DPP9: variants seen among roughly 807,000 people sequenced by gnomAD.
The protein encoded by DPP9 is dipeptidyl peptidase IV-related protein-2.
In DPP9, 50 loss-of-function variants were observed where a neutral mutation model predicts 110.7. The observed-to-expected ratio is 0.45, with a 90% CI of 0.36 to 0.57. DPP9 has a LOEUF of 0.57. DPP9 is among the 20% of genes least tolerant of loss of function. The pLI is 0.00. For missense variants in DPP9, 1,022 were observed against 1,217.9 expected, an observed-to-expected ratio of 0.84 and a Z score of 2.39; for synonymous variants, 561 against 514.4, an observed-to-expected ratio of 1.09 and a Z score of -1.23.
chr19:4,688,812 G>T lies in DPP9; in HGVS notation c.1830C>A (p.Asp610Glu), dbSNP rs773659670. ...GGGGCTGCTTGTGCAGGGGGTCGTC[G>T]TCGGGGCCGCTCAGCTTGTAGACGT... ...CVHVYKLSGP[D>E]DDPLHKQPRF... is the part of the protein sequence containing the mutation. The change falls in exon 16 of 22, where the codon GAC (aspartate) becomes GAA (glutamate). Residue 610 changes from aspartate (D) to glutamate (E), a missense_variant. Asp to Glu is a conservative substitution (Grantham distance 45, BLOSUM62 2). Transcript: ENST00000262960. The T allele has an allele frequency of 5.4e-6, 8 of 1,489,654 alleles. No individual in the cohort carries two copies. The highest frequency in any genetic ancestry group is 4.4e-5 in the African/African-American group (3 of 67,606). 92.3% of individuals were successfully genotyped at this position (1,489,654 alleles called of 1,614,324 possible). A position where few individuals can be genotyped will look rare whatever the true frequency, so the allele number is the denominator to read the frequency against.
chr19:4,695,372 G>T lies in DPP9; in HGVS notation c.1353+6C>A, dbSNP rs57034092. The T allele has an allele frequency of 0.034, 52,473 of 1,560,756 alleles. 1,864 individuals carry two copies. The highest frequency in any genetic ancestry group is 0.16 in the African/African-American group (11,368 of 73,206). Reference sequence around the variant, plus strand: ...CGGGCATACAGCCAGCGCTTGCCCCGCTTACATTGATCCAGACGTTGGTGA... The same window carrying T: ...CGGGCATACAGCCAGCGCTTGCCCCTCTTACATTGATCCAGACGTTGGTGA... On this transcript the variant is annotated splice_donor_region_variant and intron_variant, in intron 12 of 21. Coordinates refer to ENST00000262960, the MANE Select transcript of DPP9 (RefSeq NM_139159.5). This position sits in a 1 kb window ranked among gnomAD's most constrained non-coding sequence, Gnocchi z 4.7.
intron 1 of DPP9, 135 bp from the exon 2 acceptor site, chr19:4,722,686 C>T: frequency 1.5e-6 from 1 of 647,158 alleles, no homozygotes. Context: ...GCCTTGAAGC[C>T]CTGCAGCACT....
intron 10 of DPP9, 76 bp from the exon 11 acceptor site, chr19:4,697,727 G>C: frequency 8.1e-7 from 1 of 1,232,654 alleles, no homozygotes; most frequent in African/African-American, 1.5e-5. Flanking sequence ...CACTGCGCTG[G>C]GTCCCATCAT....
In DPP9 at chr19:4,694,371, G is replaced by A. The variant is rs78655542; in HGVS notation, c.1516+290C>T. ...AAAACTTTATTTATGAACACAGGTG[G>A]TGGGCCGGATTTGACCTGTGGGCCG... On this transcript the variant is annotated intron_variant, in intron 13 of 21. Coordinates refer to ENST00000262960, the MANE Select transcript of DPP9 (RefSeq NM_139159.5). The surrounding 1 kb of genome is among the most constrained non-coding windows in gnomAD (Gnocchi z 4.0). 6,026 of 511,206 alleles carry A rather than the reference G, an allele frequency of 0.012. 84 individuals are homozygous for A. Among genetic ancestry groups the A allele is most frequent in the African/African-American group, 0.043 (2,247 of 51,780 alleles). The allele number at this position is 511,206 out of a possible 1,614,324, so 31.7% of individuals were successfully genotyped here.
intron 21 of DPP9, 62 bp downstream of exon 21, chr19:4,679,773 A>AC: frequency 2.6e-6 from 3 of 1,173,976 alleles, no homozygotes; most frequent in Non-Finnish European, 3.7e-6. Context: ...GCCTCGTCCC[A>AC]CCCCCCACTC....
intron 20 of DPP9, among the ~76,000 whole-genome samples, chr19:4,681,935 G>A (rs1275475951): frequency 7.2e-6 from 1 of 139,278 alleles, no homozygotes; most frequent in Non-Finnish European, 1.5e-5. Context: ...TGCAAGCTCC[G>A]CCTCCCGGGT....
rs2091962329 is a variant in DPP9 at position 4,698,231 on chromosome 19, A to G, written c.1075-580T>C. On this transcript the variant is annotated intron_variant, in intron 10 of 21. Transcript: ENST00000262960. The surrounding 1 kb of genome is among the most constrained non-coding windows in gnomAD (Gnocchi z 4.2). ...TTCCCCATGCTTAAACAGGGCTGGC[A>G]CGGCGTTTCCAGGGTATTGAGAGAT... Among the ~76,000 whole-genome samples the G allele has an allele frequency of 6.6e-6, 1 of 152,180 alleles. No individual in the cohort carries two copies. Among genetic ancestry groups the G allele is most frequent in the Non-Finnish European group, 1.5e-5 (1 of 68,020 alleles).
intron 14 of DPP9, 59 bp downstream of exon 14, chr19:4,690,819 G>A (rs1262131469): frequency 7.6e-7 from 1 of 1,317,318 alleles, no homozygotes; most frequent in Non-Finnish European, 1.1e-6. Context: ...GTGTGTGAGT[G>A]TATGTGTGTA....
chr19:4,694,924 A>G lies in DPP9; in HGVS notation c.1354-101T>C. On this transcript the variant is annotated intron_variant, in intron 12 of 21. Transcript: ENST00000262960. The surrounding 1 kb of genome is among the most constrained non-coding windows in gnomAD (Gnocchi z 4.0). ...GTAGTTTGGGAGGCTGGGGCAGGAG[A>G]CTTGCTTGAGCCCAGGAATTTCAGA... is the stretch of plus-strand genomic sequence containing the variant. 8.1e-7 allele frequency: 1 copy of G among 1,237,154 alleles called. No individual in the cohort carries two copies. The highest frequency in any genetic ancestry group is 2.5e-5 in the East Asian group (1 of 40,614). 76.6% of individuals were successfully genotyped at this position (1,237,154 alleles called of 1,614,324 possible). A position where few individuals can be genotyped will look rare whatever the true frequency, so the allele number is the denominator to read the frequency against.
At chr19:4,722,434 A>G (rs2093363450) in intron 2 of DPP9, 65 bp downstream of exon 2, 1 of 695,530 alleles carries the variant, frequency 1.4e-6, no homozygotes, top group Non-Finnish European at 2.6e-6. Context: ...ATTCTAGAGC[A>G]GGCAAAGGAA....
intron 1 of DPP9, chr19:4,722,787 C>T: frequency 1.9e-6 from 1 of 524,902 alleles, no homozygotes; most frequent in South Asian, 2.3e-5. Flanking sequence ...GGGATTGGTG[C>T]CTACGGTCCA....
chr19:4,699,812 T>G (rs1040343576), intron 10 of DPP9, among the ~76,000 whole-genome samples: 1 of 152,164 alleles, frequency 6.6e-6, no homozygotes, highest in Non-Finnish European at 1.5e-5. Flanking sequence ...CCGTCCGAAG[T>G]TGGGGTCCCC....
chr19:4,681,996 C>G (rs1599862989), intron 20 of DPP9, among the ~76,000 whole-genome samples: 2 of 151,800 alleles, frequency 1.3e-5, no homozygotes, highest in South Asian at 4.1e-4. Flanking sequence ...CTACAGGCAC[C>G]CGCCACCACA....
intron 4 of DPP9, 138 bp from the exon 5 acceptor site, chr19:4,706,108 G>A (rs780138922): frequency 2.6e-5 from 17 of 650,288 alleles, no homozygotes; most frequent in Non-Finnish European, 4.1e-5. Flanking sequence ...AGCCCTCCCC[G>A]GAAAGCTATG....
intron 4 of DPP9, among the ~76,000 whole-genome samples, chr19:4,713,803 G>A (rs1003940776): frequency 2.0e-5 from 3 of 152,152 alleles, no homozygotes; most frequent in African/African-American, 7.2e-5. Flanking sequence ...CCACAGGGCC[G>A]GCTTGAGCCA....
At position 4,675,339 on chromosome 19, in the gene DPP9, C is replaced by CTTTTTTTT. The variant is rs369204147; in HGVS notation, c.*1217_*1224dup. On this transcript the variant is annotated 3_prime_UTR_variant, in exon 22 of 22. Coordinates refer to ENST00000262960, the MANE Select transcript of DPP9 (RefSeq NM_139159.5). ...CATAATATGTAGAGGTGGTTTGTTT[C>CTTTTTTTT]TTTTTTTTTTTTTTCTTTTCTTTTT... 2 of 140,178 alleles carry CTTTTTTTT rather than the reference C, an allele frequency of 1.4e-5. No homozygotes were observed. Among genetic ancestry groups the CTTTTTTTT allele is most frequent in the Admixed American group, 7.1e-5 (1 of 14,040 alleles). The allele number at this position is 140,178 out of a possible 1,614,324, so 8.7% of individuals were successfully genotyped here.
At position 4,714,263 on chromosome 19, in the gene DPP9, G is replaced by A. The variant is rs147966989; in HGVS notation, c.131C>T (p.Ala44Val). 29,511 of 1,572,534 alleles carry A rather than the reference G, an allele frequency of 0.019. 363 individuals carry two copies. Among genetic ancestry groups the A allele is most frequent in the Middle Eastern group, 0.024 (145 of 5,982 alleles). Reference sequence around the variant, plus strand: ...GCGGGCGGCCGGGTCATCTGTGGCGGCTGCGTCGCCTCGGTCGGCCGTTGG... The same window carrying A: ...GCGGGCGGCCGGGTCATCTGTGGCGACTGCGTCGCCTCGGTCGGCCGTTGG... The part of the protein sequence containing the change: ...GTPTADRGDA[A>V]ATDDPAARFQ... Residue 44 changes from alanine (A) to valine (V), a missense_variant, in exon 4 of 22, where the codon GCC becomes GTC. Ala to Val is a moderately conservative substitution (Grantham distance 64). This residue lies in a region of DPP9 where 810 missense variants were observed against 920.6 expected (regional missense o/e 0.88). Coordinates refer to ENST00000262960, the MANE Select transcript of DPP9 (RefSeq NM_139159.5).
In DPP9 at chr19:4,700,112, G is replaced by A. The variant is rs2092134328; in HGVS notation, c.1074+104C>T. 4.4e-6 allele frequency: 4 copies of A among 905,454 alleles called. No homozygotes were observed. The South Asian group carries it at 8.6e-5, about 19-fold the overall frequency. The allele number at this position is 905,454 out of a possible 1,614,324, so 56.1% of individuals were successfully genotyped here. A position where few individuals can be genotyped will look rare whatever the true frequency, so the allele number is the denominator to read the frequency against. ...GCGGCAGGGCTGGGGCCTGGGGAGTGCCCCCGAGAGGGAGGTGAGTGACCT... is the reference window on the plus strand; with the variant it reads ...GCGGCAGGGCTGGGGCCTGGGGAGTACCCCCGAGAGGGAGGTGAGTGACCT... On this transcript the variant is annotated intron_variant, in intron 10 of 21. Transcript: ENST00000262960. This position sits in a 1 kb window ranked among gnomAD's most constrained non-coding sequence, Gnocchi z 4.3.
chr19:4,692,687 C>T (rs2091433488), intron 13 of DPP9, among the ~76,000 whole-genome samples: 1 of 152,102 alleles, frequency 6.6e-6, no homozygotes, highest in Non-Finnish European at 1.5e-5. Context: ...GCAGCTGGCT[C>T]CACTTGAGAC....
Sources: allele counts gnomAD v4.1 joint callset (sites outside exome capture counted in the v4.1 genomes callset), GRCh38; gene constraint gnomAD v4.1.1; regional missense constraint gnomAD v4.1.1; non-coding constraint Gnocchi (gnomAD v3.1); transcripts MANE v1.5; gene names NCBI Gene and HGNC (gene_info 2026-07-23, HGNC 2026-07-21).